Variants in SAMD3 observed in about 807,000 individuals in gnomAD.
SAMD3 encodes sterile alpha motif domain-containing protein 3.
Under a neutral mutation model 58.5 loss-of-function variants are expected in SAMD3, and 63 were observed. The ratio of observed to expected loss-of-function variants is 1.08; its 90% CI spans 0.88 to 1.33. The LOEUF is 1.33. Among genes scored for constraint, SAMD3 ranks in the 40% most tolerant of loss-of-function variants. SAMD3 has a pLI of 0.00. For missense variants in SAMD3, 604 were observed against 608.4 expected (o/e 0.99, Z 0.08); for synonymous variants, 220 against 210.3 (o/e 1.05, Z -0.40).
At chr6:130,324,568 G>A (rs1776693481) in intron 1 of SAMD3, among the ~76,000 whole-genome samples, 1 of 152,114 alleles carries the variant, frequency 6.6e-6, no homozygotes, top group Admixed American at 6.5e-5. Context: ...GTTTGTATCA[G>A]CTTACTCTAC....
At chr6:130,313,374 C>G (rs1245707019) in intron 1 of SAMD3, among the ~76,000 whole-genome samples, 1 of 152,166 alleles carries the variant, frequency 6.6e-6, no homozygotes, top group African/African-American at 2.4e-5. Flanking sequence ...AGCCCCGATC[C>G]ATACACCAGG....
chr6:130,307,893 A>C (rs984017512), intron 2 of SAMD3, among the ~76,000 whole-genome samples: 4 of 152,242 alleles, frequency 2.6e-5, no homozygotes, highest in Admixed American at 6.5e-5. Flanking sequence ...CAGTTTGTGT[A>C]TAGCCAGTTA....
chr6:130,225,418 AT>A (rs1414157547), upstream of SAMD3, among the ~76,000 whole-genome samples: 1 of 152,220 alleles, frequency 6.6e-6, no homozygotes, highest in Non-Finnish European at 1.5e-5. Flanking sequence ...AGAGGCTGGT[AT>A]CTCATTGTCT....
At chr6:130,334,832 A>G (rs991818363) in intron 1 of SAMD3, among the ~76,000 whole-genome samples, 2 of 152,176 alleles carry the variant, frequency 1.3e-5, no homozygotes, top group South Asian at 2.1e-4. Flanking sequence ...ATGCTGCACC[A>G]TCCGTGTGGT....
chr6:130,249,334 AT>A (rs1296636340), intron 2 of SAMD3, among the ~76,000 whole-genome samples: 4 of 151,612 alleles, frequency 2.6e-5, no homozygotes, highest in Admixed American at 6.6e-5. Context: ...TTTTGTTTTT[AT>A]TTTTTTTCTT....
At position 130,215,777 on chromosome 6, in the gene SAMD3, C is replaced by T. The variant is rs777414550; in HGVS notation, c.-21-483G>A. Reference sequence around the variant, plus strand: ...AGAGATACTTAGTAAACTGGTTAACCCCTTAGTAGACTGGTTAACCCCTTG... The same window carrying T: ...AGAGATACTTAGTAAACTGGTTAACTCCTTAGTAGACTGGTTAACCCCTTG... On this transcript the variant is annotated intron_variant, in intron 2 of 11. Coordinates refer to ENST00000439090, the MANE Select transcript of SAMD3 (RefSeq NM_001017373.4). 53 of 1,529,106 alleles carry T rather than the reference C, an allele frequency of 3.5e-5. 4 individuals carry two copies. In the South Asian group the frequency reaches 6.0e-4, roughly 17 times the overall value. 94.7% of individuals were successfully genotyped at this position (1,529,106 alleles called of 1,614,324 possible).
intron 1 of SAMD3, among the ~76,000 whole-genome samples, chr6:130,349,863 C>T (rs1391550750): frequency 2.4e-4 from 37 of 152,284 alleles, no homozygotes; most frequent in South Asian, 8.3e-4. Context: ...CATCAAAAAG[C>T]TTATCCACCA....
intron 5 of SAMD3, among the ~76,000 whole-genome samples, chr6:130,198,458 C>T (rs1016994057): frequency 1.3e-5 from 2 of 152,202 alleles, no homozygotes; most frequent in Admixed American, 1.3e-4. Context: ...ATTCTCCTGC[C>T]TTGGCCTCCC....
intron 1 of SAMD3, among the ~76,000 whole-genome samples, chr6:130,349,156 A>G (rs1412003512): frequency 2.0e-5 from 3 of 152,228 alleles, no homozygotes; most frequent in Admixed American, 2.0e-4. Context: ...CCCTAACATC[A>G]CAATTAAAAG....
intron 4 of SAMD3, among the ~76,000 whole-genome samples, chr6:130,213,245 C>CTATG (rs974854706): frequency 9.2e-5 from 14 of 152,010 alleles, no homozygotes; most frequent in African/African-American, 3.4e-4. Context: ...CTGCCGTGAG[C>CTATG]TATGATCCTG....
chr6:130,186,953 G>A (rs998076575), intron 5 of SAMD3, among the ~76,000 whole-genome samples: 4 of 151,540 alleles, frequency 2.6e-5, no homozygotes, highest in African/African-American at 9.7e-5. Context: ...TTTATTTTTA[G>A]TATAGACAGT....
intron 2 of SAMD3, among the ~76,000 whole-genome samples, chr6:130,245,864 G>A (rs1773524087): frequency 6.6e-6 from 1 of 151,942 alleles, no homozygotes; most frequent in Admixed American, 6.6e-5. Flanking sequence ...TCTATTTTGT[G>A]GCAAATCATG....
chr6:130,336,349 A>C (rs1384326508), intron 1 of SAMD3, among the ~76,000 whole-genome samples: 2 of 152,164 alleles, frequency 1.3e-5, no homozygotes, highest in Non-Finnish European at 2.9e-5. Context: ...TTGAATTCTG[A>C]TACGTGTGCA....
intron 1 of SAMD3, among the ~76,000 whole-genome samples, chr6:130,322,427 C>T (rs1221314815): frequency 2.6e-5 from 4 of 152,140 alleles, no homozygotes; most frequent in South Asian, 2.1e-4. Context: ...GACATCTCCA[C>T]GGAGCTGTGA....
At chr6:130,261,993 A>G (rs1460092681) in intron 2 of SAMD3, among the ~76,000 whole-genome samples, 1 of 152,152 alleles carries the variant, frequency 6.6e-6, no homozygotes, top group Non-Finnish European at 1.5e-5. Flanking sequence ...AAAGAGAGGA[A>G]GAGACAGAGC....
intron 2 of SAMD3, among the ~76,000 whole-genome samples, chr6:130,268,624 T>C (rs545646852): frequency 6.6e-6 from 1 of 152,308 alleles, no homozygotes; most frequent in Admixed American, 6.5e-5. Flanking sequence ...TTTTTCTGTT[T>C]AGATACATAC....
At chr6:130,365,154 T>C (rs764086752) in exon 1 of SAMD3, 2 of 984,262 alleles carry the variant, frequency 2.0e-6, no homozygotes, top group Admixed American at 6.1e-5. Flanking sequence ...CATCACCGTC[T>C]TTGCCGAATT....
At chr6:130,206,578 C>G (rs1481937040) in intron 5 of SAMD3, among the ~76,000 whole-genome samples, 1 of 152,184 alleles carries the variant, frequency 6.6e-6, no homozygotes, top group Non-Finnish European at 1.5e-5. Context: ...TTGTTTCTTA[C>G]TGCCAAATAT....
intron 9 of SAMD3, among the ~76,000 whole-genome samples, chr6:130,154,442 CCAGCACTT>C (rs1344322636): frequency 5.3e-5 from 8 of 151,630 alleles, no homozygotes; most frequent in Non-Finnish European, 1.0e-4. Context: ...CACTGTAATC[CCAGCACTT>C]TGAGAGGCTA....
Sources: gnomAD v4.1 joint callset for allele counts (sites outside exome capture counted in the v4.1 genomes callset) on GRCh38, gnomAD v4.1.1 for gene constraint, MANE v1.5 for transcripts, NCBI Gene and HGNC (gene_info 2026-07-23, HGNC 2026-07-21) for gene names.